Variants in CLASP2 observed in about 807,000 individuals in gnomAD.
The protein encoded by CLASP2 is CLIP-associating protein 2.
CLASP2 carries 47 observed loss-of-function variants against 194.4 expected under a neutral mutation model. The ratio of observed to expected loss-of-function variants is 0.24; its 90% CI spans 0.19 to 0.31. The LOEUF (loss-of-function observed/expected upper bound fraction) is 0.31, where lower values mean the gene tolerates loss of function less well. CLASP2 is among the 10% of genes least tolerant of loss of function. The pLI is 1.00. For missense variants in CLASP2, 1,445 were observed against 1,823.6 expected, an observed-to-expected ratio of 0.79 and a Z score of 3.78; for synonymous variants, 619 against 633.5, an observed-to-expected ratio of 0.98 and a Z score of 0.34.
chr3:33,683,931 CAAAA>C (rs35349805), intron 6 of CLASP2, among the ~76,000 whole-genome samples: 1 of 78,890 alleles, frequency 1.3e-5, no homozygotes. Flanking sequence ...GACTCTGTCT[CAAAA>C]AAAAAAAAAA....
intron 2 of CLASP2, 123 bp downstream of exon 2, chr3:33,696,732 C>A: frequency 5.4e-6 from 4 of 740,544 alleles, no homozygotes; most frequent in Non-Finnish European, 9.2e-6. Flanking sequence ...TCCCAAAGTG[C>A]TGGGATTACA....
At chr3:33,636,113 A>G (rs890623839) in intron 8 of CLASP2, among the ~76,000 whole-genome samples, 6 of 152,216 alleles carry the variant, frequency 3.9e-5, no homozygotes, top group Non-Finnish European at 7.3e-5. Flanking sequence ...ATCCTGGTGG[A>G]TAAAGAAAAG....
rs74883097 is a variant in CLASP2 at position 33,712,511 on chromosome 3, A to AT, written c.195+5296dup. Among the ~76,000 whole-genome samples, 1,354 of 151,910 alleles carry AT rather than the reference A, an allele frequency of 8.9e-3. 11 individuals are homozygous for AT. Among genetic ancestry groups the AT allele is most frequent in the African/African-American group, 0.031 (1,269 of 41,412 alleles). On this transcript the variant is annotated intron_variant, in intron 1 of 38. Transcript: ENST00000682230. ...CACAAAACCACTGAAATTATAATAAATTTTTTTTTAAAAAAAGAATGGATG... is the reference window on the plus strand; with the variant it reads ...CACAAAACCACTGAAATTATAATAAATTTTTTTTTTAAAAAAAGAATGGATG...
chr3:33,638,809 A>T (rs756433727), intron 8 of CLASP2, among the ~76,000 whole-genome samples: 3 of 152,210 alleles, frequency 2.0e-5, no homozygotes, highest in Non-Finnish European at 4.4e-5. Flanking sequence ...AACTATAATG[A>T]TTCTAACTAA....
At chr3:33,661,750 T>C (rs1471431187) in intron 7 of CLASP2, among the ~76,000 whole-genome samples, 1 of 152,220 alleles carries the variant, frequency 6.6e-6, no homozygotes, top group Non-Finnish European at 1.5e-5. Flanking sequence ...GAATGATGGC[T>C]AGACCTACAT....
At chr3:33,611,043 AAC>A (rs754273499) in intron 13 of CLASP2, among the ~76,000 whole-genome samples, 18 of 152,172 alleles carry the variant, frequency 1.2e-4, no homozygotes, top group Non-Finnish European at 2.1e-4. Flanking sequence ...TTTGTGTTAC[AAC>A]ACACACACAT....
At chr3:33,664,590 T>C (rs2085855253) in intron 6 of CLASP2, among the ~76,000 whole-genome samples, 1 of 152,190 alleles carries the variant, frequency 6.6e-6, no homozygotes, top group Admixed American at 6.5e-5. Flanking sequence ...AGGAATTCAT[T>C]ATAATAGGAT....
At chr3:33,654,287 C>T (rs1351393916) in intron 7 of CLASP2, among the ~76,000 whole-genome samples, 3 of 151,992 alleles carry the variant, frequency 2.0e-5, no homozygotes, top group African/African-American at 7.3e-5. Context: ...CACAAATGTG[C>T]ACATGAGTGC....
chr3:33,578,613 G>T (rs1455692025), intron 23 of CLASP2, among the ~76,000 whole-genome samples: 1 of 152,162 alleles, frequency 6.6e-6, no homozygotes, highest in South Asian at 2.1e-4. Flanking sequence ...GCCCCGAAAG[G>T]TGACTGGTAT....
intron 24 of CLASP2, among the ~76,000 whole-genome samples, chr3:33,574,237 A>G (rs1426120736): frequency 6.6e-6 from 1 of 152,138 alleles, no homozygotes. Context: ...ACAATAATTC[A>G]GTGTGAATGA....
At chr3:33,645,263 C>T in intron 7 of CLASP2, 1 of 765,286 alleles carries the variant, frequency 1.3e-6, no homozygotes, top group Non-Finnish European at 2.4e-6. Flanking sequence ...ATTCCTTATA[C>T]CCAGATTCTG....
At position 33,651,994 on chromosome 3, in the gene CLASP2, C is replaced by T. The variant is rs1208697512; in HGVS notation, c.716-7091G>A. Among the ~76,000 whole-genome samples, 4 of 152,182 alleles carry T rather than the reference C, an allele frequency of 2.6e-5. No individual in the cohort carries two copies. The East Asian group carries it at 7.7e-4, about 29-fold the overall frequency. The stretch of plus-strand genomic sequence containing the variant: ...TTTTATGGGTACATGTATTCCAAAA[C>T]CCGAAACTTCTGCTTCTCAAATTCA... On this transcript the variant is annotated intron_variant, in intron 7 of 38. Coordinates refer to ENST00000682230, the MANE Select transcript of CLASP2 (RefSeq NM_001365631.1).
chr3:33,559,604 A>G (rs1450560249), intron 28 of CLASP2, among the ~76,000 whole-genome samples: 3 of 152,160 alleles, frequency 2.0e-5, no homozygotes, highest in Non-Finnish European at 4.4e-5. Context: ...GTTAAAAAGT[A>G]ACTCTACAGG....
intron 1 of CLASP2, among the ~76,000 whole-genome samples, chr3:33,700,562 T>C (rs142531678): frequency 1.7e-4 from 26 of 152,122 alleles, no homozygotes; most frequent in Non-Finnish European, 3.4e-4. Context: ...AAATCAATTG[T>C]GGGCCAGGTG....
intron 2 of CLASP2, 112 bp from the exon 3 acceptor site, chr3:33,690,044 G>T: frequency 1.6e-6 from 1 of 626,716 alleles, no homozygotes; most frequent in Non-Finnish European, 2.5e-6. Context: ...GAGTTGTGAG[G>T]TAAAGAAATT....
chr3:33,625,197 TGGGGGAG>T (rs1199131075), intron 10 of CLASP2, among the ~76,000 whole-genome samples: 1 of 37,984 alleles, frequency 2.6e-5, no homozygotes, highest in African/African-American at 1.0e-4. Flanking sequence ...TGTCATGGGG[TGGGGGAG>T]GGGGGAGGGA....
At chr3:33,555,084 C>T (rs1256851113) in intron 29 of CLASP2, among the ~76,000 whole-genome samples, 1 of 151,836 alleles carries the variant, frequency 6.6e-6, no homozygotes, top group Non-Finnish European at 1.5e-5. Context: ...TTTATGTATT[C>T]TTACCTAAAA....
At chr3:33,701,047 GTA>G (rs746204692) in intron 1 of CLASP2, among the ~76,000 whole-genome samples, 11 of 152,080 alleles carry the variant, frequency 7.2e-5, no homozygotes, top group Non-Finnish European at 1.5e-4. Context: ...TAAATAAATG[GTA>G]TATACACACA....
In CLASP2 at chr3:33,694,595, G is replaced by A. The variant is rs570368408; in HGVS notation, c.274+2260C>T. Among the ~76,000 whole-genome samples, 7 of 152,206 alleles carry A rather than the reference G, an allele frequency of 4.6e-5. No individual in the cohort carries two copies. The South Asian group carries it at 8.3e-4, about 18-fold the overall frequency. On this transcript the variant is annotated intron_variant, in intron 2 of 38. Transcript: ENST00000682230. ...TATCATACCTAACTTTCTCAGTTAC[G>A]AAGAGACAAGAGGATTTTGGGGGTG...
Sources: allele counts gnomAD v4.1 joint callset (sites outside exome capture counted in the v4.1 genomes callset), GRCh38; gene constraint gnomAD v4.1.1; transcripts MANE v1.5; gene names NCBI Gene and HGNC (gene_info 2026-07-23, HGNC 2026-07-21).